Variants in CD1C observed in about 807,000 individuals in gnomAD.
CD1C encodes T-cell surface glycoprotein CD1c.
CD1C carries 47 observed loss-of-function variants against 39.4 expected under a neutral mutation model. That is an observed-to-expected ratio of 1.19 (90% CI 0.94 to 1.52). The LOEUF (loss-of-function observed/expected upper bound fraction) is 1.52, where lower values mean the gene tolerates loss of function less well. Among genes scored for constraint, CD1C ranks in the 40% most tolerant of loss-of-function variants. The pLI, the probability that CD1C is intolerant of heterozygous loss-of-function variation, is 0.00. For missense variants in CD1C, 417 were observed against 395.2 expected, an observed-to-expected ratio of 1.06 and a Z score of -0.47; for synonymous variants, 165 against 150.8, an observed-to-expected ratio of 1.09 and a Z score of -0.69.
intron 2 of CD1C, among the ~76,000 whole-genome samples, 199 bp downstream of exon 2, chr1:158,291,599 G>T (rs1436198238): frequency 6.6e-6 from 1 of 151,478 alleles, no homozygotes; most frequent in Non-Finnish European, 1.5e-5. Flanking sequence ...TTTTTTTCTT[G>T]TGCTTTGTTA....
chr1:158,294,659 C>G lies in CD1C; in HGVS notation c.*1183C>G, dbSNP rs986326495. Among the ~76,000 whole-genome samples the G allele has an allele frequency of 1.3e-5, 2 of 152,166 alleles. No homozygotes were observed. The highest frequency in any genetic ancestry group is 2.9e-5 in the Non-Finnish European group (2 of 68,028). On this transcript the variant is annotated 3_prime_UTR_variant, in exon 6 of 6. Transcript: ENST00000368170. ...ATAACCCCTCATACCTGTTTGTAGT[C>G]AAGCACACCAACAACCTGGCATTCT...
In CD1C at chr1:158,294,578, T is replaced by C. The variant is rs1335437229; in HGVS notation, c.*1102T>C. Among the ~76,000 whole-genome samples, 2 of 152,226 alleles carry C rather than the reference T, an allele frequency of 1.3e-5. No homozygotes were observed. Among genetic ancestry groups the C allele is most frequent in the Non-Finnish European group, 2.9e-5 (2 of 68,046 alleles). On this transcript the variant is annotated 3_prime_UTR_variant, in exon 6 of 6. Transcript: ENST00000368170. Reference sequence around the variant, plus strand: ...ATCTTTAAGTGTACAGTTCTATTTATTTTGATAATTATATAAGCCCATGTA... The same window carrying C: ...ATCTTTAAGTGTACAGTTCTATTTACTTTGATAATTATATAAGCCCATGTA...
In CD1C at chr1:158,294,584, T is replaced by C. The variant is rs1337247786; in HGVS notation, c.*1108T>C. 2.0e-5 allele frequency among the ~76,000 whole-genome samples: 3 copies of C among 152,234 alleles called. No individual in the cohort carries two copies. In the East Asian group the frequency reaches 5.8e-4, roughly 29 times the overall value. The stretch of plus-strand genomic sequence containing the variant: ...AAGTGTACAGTTCTATTTATTTTGA[T>C]AATTATATAAGCCCATGTAAACAAA... On this transcript the variant is annotated 3_prime_UTR_variant, in exon 6 of 6. Coordinates refer to ENST00000368170, the MANE Select transcript of CD1C (RefSeq NM_001765.3).
chr1:158,291,209 G>A lies in CD1C; in HGVS notation c.137G>A (p.Gly46Asp). The change falls in exon 2 of 6, where the codon GGC (glycine) becomes GAC (aspartate). Residue 46 changes from glycine to aspartate, a missense_variant. Coordinates refer to ENST00000368170, the MANE Select transcript of CD1C (RefSeq NM_001765.3). The part of the protein sequence containing the change: ...FVNQSWARGQ[G>D]SGWLDELQTH... ...AACCAATCCTGGGCACGAGGTCAGG[G>A]CTCAGGATGGCTGGACGAGTTGCAG... The A allele has an allele frequency of 6.2e-7, 1 of 1,613,952 alleles. No individual in the cohort carries two copies. The highest frequency in any genetic ancestry group is 1.3e-5 in the African/African-American group (1 of 74,966).
Position 158,293,454 on chromosome 1 carries a change from G to A in CD1C, c.981-1G>A, listed in dbSNP as rs764983646. 6.2e-7 allele frequency: 1 copy of A among 1,613,702 alleles called. No individual in the cohort carries two copies. On this transcript the variant is annotated splice_acceptor_variant, in intron 5 of 5. Coordinates refer to ENST00000368170, the MANE Select transcript of CD1C (RefSeq NM_001765.3). LOFTEE classifies it high-confidence loss of function. ...TTTCTCCCATTCCTGTTCCTTCACA[G>A]CTCATATCAGGACATCCTGTGAGAC...
At chr1:158,291,467 T>A (rs1185447607) in intron 2 of CD1C, 67 bp downstream of exon 2, 13 of 1,535,880 alleles carry the variant, frequency 8.5e-6, no homozygotes, top group Non-Finnish European at 1.2e-5. Context: ...TATTCTCTAC[T>A]AATTTTTGGG....
At chr1:158,293,357 T>C in intron 5 of CD1C, 55 bp downstream of exon 5, 1 of 1,594,424 alleles carries the variant, frequency 6.3e-7, no homozygotes, top group Non-Finnish European at 8.6e-7. Context: ...ACATTCCATT[T>C]TTCACTCTCT....
In CD1C at chr1:158,291,311, A is replaced by G; in HGVS notation, c.239A>G (p.Glu80Gly). 1.2e-6 allele frequency: 2 copies of G among 1,614,084 alleles called. No homozygotes were observed. Among genetic ancestry groups the G allele is most frequent in the Admixed American group, 1.7e-5 (1 of 60,024 alleles). The stretch of plus-strand genomic sequence containing the variant: ...TCCAAGGGCAACTTCAGCAATGAAG[A>G]GTTGTCAGACCTAGAGTTGTTATTT... ...NWSKGNFSNE[E>G]LSDLELLFRF... The change falls in exon 2 of 6, where the codon GAG becomes GGG. Residue 80 changes from glutamate (E) to glycine (G), a missense_variant. Glu to Gly is a moderately conservative substitution (Grantham distance 98). Coordinates refer to ENST00000368170, the MANE Select transcript of CD1C (RefSeq NM_001765.3).
At chr1:158,291,422 A>G (rs1651039164) in intron 2 of CD1C, 22 bp downstream of exon 2, 1 of 1,609,146 alleles carries the variant, frequency 6.2e-7, no homozygotes, top group South Asian at 1.1e-5. Flanking sequence ...CATCTAAATT[A>G]TGGGAGTTCT....
At position 158,294,664 on chromosome 1, in the gene CD1C, A is replaced by G. The variant is rs1261279424; in HGVS notation, c.*1188A>G. Among the ~76,000 whole-genome samples the G allele has an allele frequency of 6.6e-6, 1 of 152,216 alleles. No individual in the cohort carries two copies. Among genetic ancestry groups the G allele is most frequent in the Non-Finnish European group, 1.5e-5 (1 of 68,046 alleles). The stretch of plus-strand genomic sequence containing the variant: ...CCCTCATACCTGTTTGTAGTCAAGC[A>G]CACCAACAACCTGGCATTCTTGCAA... On this transcript the variant is annotated 3_prime_UTR_variant, in exon 6 of 6. Transcript: ENST00000368170.
Position 158,293,466 on chromosome 1 carries a change from A to G in CD1C, c.992A>G (p.Asp331Gly). ...LWFKKHCSYQ[D>G]IL Reference sequence around the variant, plus strand: ...CTGTTCCTTCACAGCTCATATCAGGACATCCTGTGAGACTCTTCCCCCTGA... The same window carrying G: ...CTGTTCCTTCACAGCTCATATCAGGGCATCCTGTGAGACTCTTCCCCCTGA... Residue 331 changes from aspartate (D) to glycine (G), a missense_variant, in exon 6 of 6, where the codon GAC becomes GGC. Coordinates refer to ENST00000368170, the MANE Select transcript of CD1C (RefSeq NM_001765.3). The G allele has an allele frequency of 1.2e-6, 2 of 1,614,064 alleles. No individual in the cohort carries two copies. Among genetic ancestry groups the G allele is most frequent in the Non-Finnish European group, 1.7e-6 (2 of 1,180,010 alleles).
chr1:158,293,774 CT>C lies in CD1C; in HGVS notation c.*299del. The C allele has an allele frequency of 1.7e-6, 1 of 575,934 alleles. No homozygotes were observed. Among genetic ancestry groups the C allele is most frequent in the South Asian group, 2.3e-5 (1 of 43,756 alleles). 35.7% of individuals were successfully genotyped at this position (575,934 alleles called of 1,614,324 possible). ...TTATGTGCATGCAACACTTCCTACC[CT>C]GTGTTGCAGCTACTTGAGTCTTTCA... On this transcript the variant is annotated 3_prime_UTR_variant, in exon 6 of 6. Coordinates refer to ENST00000368170, the MANE Select transcript of CD1C (RefSeq NM_001765.3).
chr1:158,292,362 C>G lies in CD1C; in HGVS notation c.607C>G (p.Gln203Glu). 1 of 1,612,310 alleles carries G rather than the reference C, an allele frequency of 6.2e-7. No homozygotes were observed. The highest frequency in any genetic ancestry group is 1.1e-5 in the South Asian group (1 of 90,904). Residue 203 changes from glutamine to glutamate, a missense_variant, in exon 3 of 6, where the codon CAA becomes GAA. By Grantham distance (29) the Gln-to-Glu change is conservative (BLOSUM62 2). Coordinates refer to ENST00000368170, the MANE Select transcript of CD1C (RefSeq NM_001765.3). Reference sequence around the variant, plus strand: ...TGCAGGGAAGATGTATGTACACAGGCAAGGTCAGTAGTTTCAGCCCCTTCC... The same window carrying G: ...TGCAGGGAAGATGTATGTACACAGGGAAGGTCAGTAGTTTCAGCCCCTTCC... ...LDAGKMYVHRQVRPEAWLSSR... is the reference protein window; with the variant it reads ...LDAGKMYVHREVRPEAWLSSR...
intron 2 of CD1C, 58 bp downstream of exon 2, chr1:158,291,458 A>G: frequency 6.4e-7 from 1 of 1,562,100 alleles, no homozygotes; most frequent in African/African-American, 1.4e-5. Context: ...TCAGGGAAAT[A>G]TTCTCTACTA....
rs147191023 is a variant in CD1C at position 158,292,862 on chromosome 1, A to G, written c.877A>G (p.Ile293Val). 13 of 1,613,940 alleles carry G rather than the reference A, an allele frequency of 8.1e-6. No homozygotes were observed. Among genetic ancestry groups the G allele is most frequent in the African/African-American group, 6.7e-5 (5 of 74,930 alleles). Residue 293 changes from isoleucine (I) to valine (V), a missense_variant, in exon 4 of 6, where the codon ATC (isoleucine) becomes GTC (valine). Coordinates refer to ENST00000368170, the MANE Select transcript of CD1C (RefSeq NM_001765.3). Reference protein sequence around the residue: ...RHSSLGGQDIILYWGHHFSMN... With the variant: ...RHSSLGGQDIVLYWGHHFSMN... ...CAGCAGTCTAGGAGGCCAGGACATC[A>G]TCCTCTACTGGGGTAAGACTGGAGG... is the stretch of plus-strand genomic sequence containing the variant.
intron 2 of CD1C, 76 bp downstream of exon 2, chr1:158,291,476 G>T: frequency 6.7e-7 from 1 of 1,491,488 alleles, no homozygotes; most frequent in South Asian, 1.2e-5. Context: ...CTAATTTTTG[G>T]GCCATTTCCC....
intron 2 of CD1C, 142 bp from the exon 3 acceptor site, chr1:158,291,942 T>C: frequency 1.3e-6 from 1 of 799,332 alleles, no homozygotes; most frequent in Non-Finnish European, 2.0e-6. Flanking sequence ...TTCTCTCTTG[T>C]TTCTGATCAA....
chr1:158,291,460 T>C (rs761632622), intron 2 of CD1C, 60 bp downstream of exon 2: 167 of 1,555,604 alleles, frequency 1.1e-4, no homozygotes, highest in Non-Finnish European at 1.4e-4. Flanking sequence ...AGGGAAATAT[T>C]CTCTACTAAT....
At position 158,294,447 on chromosome 1, in the gene CD1C, G is replaced by T. The variant is rs1336695185; in HGVS notation, c.*971G>T. Among the ~76,000 whole-genome samples, 3 of 152,214 alleles carry T rather than the reference G, an allele frequency of 2.0e-5. No homozygotes were observed. In the South Asian group the frequency reaches 6.2e-4, roughly 32 times the overall value. ...CCACTCTCCTGAAGTTGCAATGTTT[G>T]CTTCCTCAATCTGTCCATGTTTCTT... On this transcript the variant is annotated 3_prime_UTR_variant, in exon 6 of 6. Coordinates refer to ENST00000368170, the MANE Select transcript of CD1C (RefSeq NM_001765.3).
Sources: allele counts gnomAD v4.1 joint callset (sites outside exome capture counted in the v4.1 genomes callset), GRCh38; gene constraint gnomAD v4.1.1; transcripts MANE v1.5; gene names NCBI Gene and HGNC (gene_info 2026-07-23, HGNC 2026-07-21).